SLC24A3: variants seen among roughly 807,000 people sequenced by gnomAD.
The protein encoded by SLC24A3 is sodium/potassium/calcium exchanger 3.
Under a neutral mutation model 75.8 loss-of-function variants are expected in SLC24A3, and 28 were observed. The observed-to-expected ratio is 0.37, with a 90% CI of 0.27 to 0.51. The LOEUF (loss-of-function observed/expected upper bound fraction) is 0.51, where lower values mean the gene tolerates loss of function less well. SLC24A3 is among the 20% of genes least tolerant of loss of function. The pLI is 0.94. For synonymous variants in SLC24A3, 372 were observed against 334.1 expected (o/e 1.11, Z -1.24); for missense variants, 663 against 847.8 (o/e 0.78, Z 2.71).
At chr20:19,662,119 A>C (rs1284463743) in intron 7 of SLC24A3, among the ~76,000 whole-genome samples, 1 of 152,234 alleles carries the variant, frequency 6.6e-6, no homozygotes, top group Non-Finnish European at 1.5e-5. Context: ...TGTGGGTCAG[A>C]GGGCAGAGGC....
chr20:19,638,213 C>T (rs2032025095), intron 6 of SLC24A3, among the ~76,000 whole-genome samples: 1 of 150,542 alleles, frequency 6.6e-6, no homozygotes, highest in Non-Finnish European at 1.5e-5. Context: ...AGGATGATGG[C>T]TCATTTTTCA....
chr20:19,604,512 G>C (rs1475797299), intron 6 of SLC24A3, among the ~76,000 whole-genome samples: 3 of 152,192 alleles, frequency 2.0e-5, no homozygotes, highest in African/African-American at 7.2e-5. Context: ...CTGGGGCCTT[G>C]GTGAGCAGTT....
chr20:19,610,242 G>C (rs1456695271), intron 6 of SLC24A3, among the ~76,000 whole-genome samples: 1 of 148,228 alleles, frequency 6.7e-6, no homozygotes, highest in Non-Finnish European at 1.5e-5. Context: ...ATTCTGTTTT[G>C]TACCAAATTG....
chr20:19,442,335 T>C (rs962307820), intron 2 of SLC24A3, among the ~76,000 whole-genome samples: 1 of 152,234 alleles, frequency 6.6e-6, no homozygotes, highest in African/African-American at 2.4e-5. Flanking sequence ...CAGTAATGAA[T>C]AAAAGTTTCT....
intron 11 of SLC24A3, 64 bp downstream of exon 11, chr20:19,684,400 AG>A (rs1296555131): frequency 3.9e-6 from 6 of 1,519,806 alleles, no homozygotes; most frequent in Non-Finnish European, 5.3e-6. Context: ...GAAGGAGAGA[AG>A]GTTTCTTGTT....
At chr20:19,290,333 T>A (rs897204986) in intron 2 of SLC24A3, among the ~76,000 whole-genome samples, 11 of 152,142 alleles carry the variant, frequency 7.2e-5, no homozygotes, top group African/African-American at 2.7e-4. Context: ...GGGGTTATAG[T>A]CTGAGTGTTT....
At chr20:19,312,599 T>C (rs1984486485) in intron 2 of SLC24A3, among the ~76,000 whole-genome samples, 1 of 152,220 alleles carries the variant, frequency 6.6e-6, no homozygotes, top group Non-Finnish European at 1.5e-5. Context: ...CAAGTATATA[T>C]ATAGGTTATT....
In SLC24A3 at chr20:19,325,777, C is replaced by CATATATATAT. The variant is rs1164485509; in HGVS notation, c.271+44700_271+44709dup. Among the ~76,000 whole-genome samples, 484 of 58,116 alleles carry CATATATATAT rather than the reference C, an allele frequency of 8.3e-3. 14 individuals are homozygous for CATATATATAT. The highest frequency in any genetic ancestry group is 0.035 in the East Asian group (58 of 1,654). 38.1% of individuals were successfully genotyped at this position (58,116 alleles called of 152,430 possible). On this transcript the variant is annotated intron_variant, in intron 2 of 16. Transcript: ENST00000328041. ...GTATACATACATACATATATATATA[C>CATATATATAT]ATATATATATATATATATAGAGAGA...
At chr20:19,425,800 A>C (rs1452013056) in intron 2 of SLC24A3, among the ~76,000 whole-genome samples, 1 of 152,144 alleles carries the variant, frequency 6.6e-6, no homozygotes, top group Non-Finnish European at 1.5e-5. Flanking sequence ...AATGCATTAT[A>C]ATTCATTAGT....
chr20:19,573,581 G>A (rs1352118406), intron 3 of SLC24A3, among the ~76,000 whole-genome samples: 1 of 152,194 alleles, frequency 6.6e-6, no homozygotes, highest in Non-Finnish European at 1.5e-5. Flanking sequence ...AAATACAGAA[G>A]GAGCTGATTT....
intron 3 of SLC24A3, among the ~76,000 whole-genome samples, chr20:19,555,368 A>G (rs1016950679): frequency 1.3e-5 from 2 of 152,220 alleles, no homozygotes; most frequent in African/African-American, 4.8e-5. Flanking sequence ...ACTGAGGCCA[A>G]GGAATTCTGA....
intron 3 of SLC24A3, among the ~76,000 whole-genome samples, chr20:19,567,764 G>A (rs1198891704): frequency 6.6e-6 from 1 of 152,120 alleles, no homozygotes; most frequent in Admixed American, 6.5e-5. Context: ...ACACATTAGA[G>A]TGGCTGAAAA....
intron 2 of SLC24A3, among the ~76,000 whole-genome samples, chr20:19,514,699 G>A (rs1247681226): frequency 1.3e-5 from 2 of 152,214 alleles, no homozygotes; most frequent in Non-Finnish European, 2.9e-5. Flanking sequence ...AGGGACAGGA[G>A]GCCTGGTTAG....
At chr20:19,490,975 G>C (rs953297173) in intron 2 of SLC24A3, among the ~76,000 whole-genome samples, 1 of 152,150 alleles carries the variant, frequency 6.6e-6, no homozygotes, top group African/African-American at 2.4e-5. Flanking sequence ...TCTTCTCAGC[G>C]AGCAGAAAGT....
intron 3 of SLC24A3, 31 bp downstream of exon 3, chr20:19,515,595 G>C (rs368564172): frequency 6.2e-7 from 1 of 1,610,820 alleles, no homozygotes; most frequent in Admixed American, 1.7e-5. Context: ...CTGCCTGGAG[G>C]GTCCATAGGC....
At chr20:19,517,361 C>T (rs1169613090) in intron 3 of SLC24A3, among the ~76,000 whole-genome samples, 1 of 152,170 alleles carries the variant, frequency 6.6e-6, no homozygotes, top group Non-Finnish European at 1.5e-5. Context: ...GGTCCTTTCT[C>T]CCCACCTCCA....
At chr20:19,553,041 C>T (rs1169204212) in intron 3 of SLC24A3, among the ~76,000 whole-genome samples, 3 of 146,354 alleles carry the variant, frequency 2.0e-5, no homozygotes, top group Non-Finnish European at 4.5e-5. Context: ...CTCCTTCCCT[C>T]CCTCCTTCTT....
chr20:19,526,184 G>A (rs981589491), intron 3 of SLC24A3, among the ~76,000 whole-genome samples: 1 of 152,260 alleles, frequency 6.6e-6, no homozygotes, highest in Non-Finnish European at 1.5e-5. Flanking sequence ...TGGTCCCAAA[G>A]CACCCTTGTT....
intron 2 of SLC24A3, among the ~76,000 whole-genome samples, chr20:19,318,403 C>T (rs1984631740): frequency 6.6e-6 from 1 of 152,156 alleles, no homozygotes. Flanking sequence ...GGCTGAGAGA[C>T]AAGACCCAAG....
Sources: allele counts gnomAD v4.1 joint callset (sites outside exome capture counted in the v4.1 genomes callset), GRCh38; gene constraint gnomAD v4.1.1; transcripts MANE v1.5; gene names NCBI Gene and HGNC (gene_info 2026-07-23, HGNC 2026-07-21).